The following BCAS3 variants were observed in gnomAD, a reference collection of about 807,000 sequenced individuals.
The protein encoded by BCAS3 is BCAS4/BCAS3 fusion.
BCAS3 carries 53 observed loss-of-function variants against 116.1 expected under a neutral mutation model. That is an observed-to-expected ratio of 0.46 (90% CI 0.37 to 0.57). The LOEUF is 0.57. Among genes scored for constraint, BCAS3 ranks in the 20% least tolerant of loss-of-function variants. The probability of loss-of-function intolerance (pLI) is 0.00; values close to 1 mark genes in which losing one functional copy is unlikely to be tolerated. For missense variants in BCAS3, 917 were observed against 1,165.4 expected (o/e 0.79, Z 3.10); for synonymous variants, 391 against 408.2 (o/e 0.96, Z 0.51).
At chr17:61,236,041 C>A (rs1305229134) in intron 22 of BCAS3, among the ~76,000 whole-genome samples, 1 of 152,174 alleles carries the variant, frequency 6.6e-6, no homozygotes, top group East Asian at 1.9e-4. Context: ...TGGAATGTTA[C>A]AATTGCAGCT....
chr17:61,284,371 C>A (rs528264751), intron 22 of BCAS3, among the ~76,000 whole-genome samples: 1 of 152,330 alleles, frequency 6.6e-6, no homozygotes, highest in South Asian at 2.1e-4. Context: ...CCAGGAAGGT[C>A]TGTGGCTTCA....
rs1238599438 is a variant in BCAS3, at chr17:61,118,351, T to A, written c.2425+33787T>A. On this transcript the variant is annotated intron_variant, in intron 22 of 23. Transcript: ENST00000407086. The surrounding 1 kb of genome is among the most constrained non-coding windows in gnomAD (Gnocchi z 5.0). ...ATACAGTCAAAGTCCAAAAAGGGAT[T>A]CTCCCCTAGACCTCTTTCATAAGCA... Among the ~76,000 whole-genome samples the A allele has an allele frequency of 6.6e-6, 1 of 152,134 alleles. No homozygotes were observed. The highest frequency in any genetic ancestry group is 1.5e-5 in the Non-Finnish European group (1 of 68,018).
chr17:60,837,940 C>T (rs1170331808), intron 7 of BCAS3, among the ~76,000 whole-genome samples: 5 of 152,000 alleles, frequency 3.3e-5, no homozygotes, highest in Admixed American at 3.3e-4. Flanking sequence ...TGTGAGCCAC[C>T]GTGCCTGGCC....
chr17:61,283,340 C>T (rs755136052), intron 22 of BCAS3, among the ~76,000 whole-genome samples: 2 of 152,154 alleles, frequency 1.3e-5, no homozygotes, highest in Admixed American at 6.5e-5. Context: ...ACGTTTAGCT[C>T]ATTCTCCCTA....
At chr17:61,375,556 A>G (rs1368170303) in intron 23 of BCAS3, among the ~76,000 whole-genome samples, 1 of 150,344 alleles carries the variant, frequency 6.7e-6, no homozygotes, top group Non-Finnish European at 1.5e-5. Context: ...CACCAGTACC[A>G]TGTGTTAATT....
intron 22 of BCAS3, among the ~76,000 whole-genome samples, chr17:61,338,667 G>C (rs957511846): frequency 6.6e-6 from 1 of 152,078 alleles, no homozygotes; most frequent in Non-Finnish European, 1.5e-5. Flanking sequence ...GAAGAAGAAG[G>C]CTGTCCCAGG....
intron 7 of BCAS3, among the ~76,000 whole-genome samples, chr17:60,821,394 A>G (rs1352525532): frequency 6.6e-6 from 1 of 152,214 alleles, no homozygotes; most frequent in Admixed American, 6.5e-5. Flanking sequence ...ATACATATTT[A>G]AAGTGTATAA....
chr17:60,813,994 T>C (rs919314900), intron 7 of BCAS3, among the ~76,000 whole-genome samples: 5 of 152,206 alleles, frequency 3.3e-5, no homozygotes, highest in African/African-American at 9.6e-5. Context: ...TGCCTGGGAT[T>C]GCTTTGGCTT....
intron 22 of BCAS3, among the ~76,000 whole-genome samples, chr17:61,291,182 C>G (rs2052375738): frequency 1.3e-5 from 2 of 152,188 alleles, no homozygotes; most frequent in South Asian, 4.1e-4. Flanking sequence ...TACAGCCTAC[C>G]AGGTACTTTG....
Position 61,256,980 on chromosome 17 carries a change from A to G in BCAS3, c.2426-111347A>G, listed in dbSNP as rs2048826841. On this transcript the variant is annotated intron_variant, in intron 22 of 23. Coordinates refer to ENST00000407086, the MANE Select transcript of BCAS3 (RefSeq NM_017679.5). The surrounding 1 kb of genome is among the most constrained non-coding windows in gnomAD (Gnocchi z 5.6). ...TACCAAAATCAAGATTTTTGGATTT[A>G]AAAAAAAATTTACATTATGCTTTTT... Among the ~76,000 whole-genome samples, 1 of 151,798 alleles carries G rather than the reference A, an allele frequency of 6.6e-6. No individual in the cohort carries two copies. The highest frequency in any genetic ancestry group is 2.4e-5 in the African/African-American group (1 of 41,312).
intron 23 of BCAS3, among the ~76,000 whole-genome samples, chr17:61,382,482 G>A (rs541459435): frequency 1.3e-4 from 20 of 151,406 alleles, no homozygotes; most frequent in African/African-American, 4.4e-4. Context: ...GGCTGGTCTC[G>A]AACTCCTGAC....
Position 61,241,519 on chromosome 17 carries a change from C to A in BCAS3, c.2426-126808C>A, listed in dbSNP as rs777321611. 2.0e-5 allele frequency among the ~76,000 whole-genome samples: 3 copies of A among 151,608 alleles called. No homozygotes were observed. Among genetic ancestry groups the A allele is most frequent in the Non-Finnish European group, 2.9e-5 (2 of 67,914 alleles). ...GAGGTCAGGAGATCAAGACCATCCT[C>A]GCTAACACGGTGAAACCCCACCTCT... On this transcript the variant is annotated intron_variant, in intron 22 of 23. Transcript: ENST00000407086. The surrounding 1 kb of genome is among the most constrained non-coding windows in gnomAD (Gnocchi z 4.6).
chr17:60,723,249 G>A (rs1296667613), intron 5 of BCAS3, among the ~76,000 whole-genome samples: 1 of 151,890 alleles, frequency 6.6e-6, no homozygotes, highest in African/African-American at 2.4e-5. Context: ...TTTTTGAGAT[G>A]GAGTCTTGCT....
At position 61,363,553 on chromosome 17, in the gene BCAS3, C is replaced by CTTTTT. The variant is rs1156471461; in HGVS notation, c.2426-4761_2426-4757dup. Among the ~76,000 whole-genome samples, 1 of 139,930 alleles carries CTTTTT rather than the reference C, an allele frequency of 7.1e-6. No homozygotes were observed. The highest frequency in any genetic ancestry group is 1.6e-5 in the Non-Finnish European group (1 of 63,622). The allele number at this position is 139,930 out of a possible 152,430, so 91.8% of individuals were successfully genotyped here. ...GTTTGGTGAAGTCACATAAGCTCCT[C>CTTTTT]TTTTTTTTTTTTTTTTTAACTCACT... On this transcript the variant is annotated intron_variant, in intron 22 of 23. Transcript: ENST00000407086. This position sits in a 1 kb window ranked among gnomAD's most constrained non-coding sequence, Gnocchi z 4.9.
In BCAS3 at chr17:60,964,378, A is replaced by G. The variant is rs1600055924; in HGVS notation, c.1221+17026A>G. On this transcript the variant is annotated intron_variant, in intron 14 of 23. Transcript: ENST00000407086. This position sits in a 1 kb window ranked among gnomAD's most constrained non-coding sequence, Gnocchi z 4.6. Reference sequence around the variant, plus strand: ...GTTGAACCATCCTTGCATCCCTGGAATGAATCCCATTTGATATTATAAATG... The same window carrying G: ...GTTGAACCATCCTTGCATCCCTGGAGTGAATCCCATTTGATATTATAAATG... 6.6e-6 allele frequency among the ~76,000 whole-genome samples: 1 copy of G among 152,162 alleles called. No individual in the cohort carries two copies. The highest frequency in any genetic ancestry group is 1.5e-5 in the Non-Finnish European group (1 of 68,028).
At chr17:61,078,649 T>G in intron 21 of BCAS3, 120 bp downstream of exon 21, 1 of 794,602 alleles carries the variant, frequency 1.3e-6, no homozygotes, top group Non-Finnish European at 2.0e-6. Context: ...GCAGACTACA[T>G]GTACTGTTGC....
chr17:60,902,448 G>A (rs80146190), intron 10 of BCAS3, among the ~76,000 whole-genome samples, 172 bp from the exon 11 acceptor site: 2 of 152,184 alleles, frequency 1.3e-5, no homozygotes, highest in African/African-American at 2.4e-5. Context: ...TTATAAAAAG[G>A]GGTAGAAGTG....
chr17:60,995,134 T>G lies in BCAS3; in HGVS notation c.1486+4899T>G, dbSNP rs185970086. 2.0e-5 allele frequency among the ~76,000 whole-genome samples: 3 copies of G among 152,198 alleles called. No individual in the cohort carries two copies. The highest frequency in any genetic ancestry group is 2.0e-4 in the Admixed American group (3 of 15,288). ...CTGGGATTACAGGTGCGTGCCACCA[T>G]GCCCAGCTAATTCTATTCTATTCTT... is the stretch of plus-strand genomic sequence containing the variant. On this transcript the variant is annotated intron_variant, in intron 15 of 23. Coordinates refer to ENST00000407086, the MANE Select transcript of BCAS3 (RefSeq NM_017679.5). The surrounding 1 kb of genome is among the most constrained non-coding windows in gnomAD (Gnocchi z 4.7).
chr17:61,368,107 C>T lies in BCAS3; in HGVS notation c.2426-220C>T. 1 of 414,688 alleles carries T rather than the reference C, an allele frequency of 2.4e-6. No homozygotes were observed. The highest frequency in any genetic ancestry group is 4.2e-6 in the Non-Finnish European group (1 of 235,528). 25.7% of individuals were successfully genotyped at this position (414,688 alleles called of 1,614,324 possible). A position where few individuals can be genotyped will look rare whatever the true frequency, so the allele number is the denominator to read the frequency against. On this transcript the variant is annotated intron_variant, in intron 22 of 23. Transcript: ENST00000407086. This position sits in a 1 kb window ranked among gnomAD's most constrained non-coding sequence, Gnocchi z 6.0. ...AGCTCCTCAGAAACAGTTGTAAAAC[C>T]ACCAGCCTCAGTGTCACGGAAGTCA... is the stretch of plus-strand genomic sequence containing the variant.
Sources: allele counts gnomAD v4.1 joint callset (sites outside exome capture counted in the v4.1 genomes callset), GRCh38; gene constraint gnomAD v4.1.1; non-coding constraint Gnocchi (gnomAD v3.1); transcripts MANE v1.5; gene names NCBI Gene and HGNC (gene_info 2026-07-23, HGNC 2026-07-21).